SPCS1: variants seen among roughly 807,000 people sequenced by gnomAD.
SPCS1 encodes SPase 12 kDa subunit.
Under a neutral mutation model 16.4 loss-of-function variants are expected in SPCS1, and 10 were observed. That is an observed-to-expected ratio of 0.61 (90% CI 0.38 to 1.03). SPCS1 has a LOEUF of 1.03. SPCS1 is among the 50% of genes least tolerant of loss of function. The pLI, the probability that SPCS1 is intolerant of heterozygous loss-of-function variation, is 0.01. For missense variants in SPCS1, 118 were observed against 123.8 expected (o/e 0.95, Z 0.22); for synonymous variants, 47 against 42.5 (o/e 1.10, Z -0.41).
At chr3:52,707,013 T>G (rs1365130681) in intron 3 of SPCS1, 134 bp downstream of exon 3, 5 of 730,326 alleles carry the variant, frequency 6.8e-6, no homozygotes. Context: ...TTGCTATCAT[T>G]GGAAAAGTAG....
rs1461767986 is a variant in SPCS1, at chr3:52,708,648, G to C, written c.*836G>C. 6.6e-6 allele frequency: 1 copy of C among 151,970 alleles called. No homozygotes were observed. Among genetic ancestry groups the C allele is most frequent in the African/African-American group, 2.4e-5 (1 of 41,366 alleles). The allele number at this position is 151,970 out of a possible 1,614,324, so 9.4% of individuals were successfully genotyped here. On this transcript the variant is annotated 3_prime_UTR_variant, in exon 4 of 4. Transcript: ENST00000619898. ...TTTATCAGATCTTATATAGAACCTT[G>C]AATAAAATTTAATAGACAAGTGATT...
intron 3 of SPCS1, 105 bp from the exon 4 acceptor site, chr3:52,707,582 T>TTTTTTTC: frequency 7.9e-7 from 1 of 1,262,790 alleles, no homozygotes; most frequent in Non-Finnish European, 1.1e-6. Flanking sequence ...TTTTTGTTTT[T>TTTTTTTC]TTGTTCCCTC....
At chr3:52,706,566 C>T (rs2097344929) in intron 1 of SPCS1, 78 bp from the exon 2 acceptor site, 2 of 1,361,414 alleles carry the variant, frequency 1.5e-6, no homozygotes, top group Non-Finnish European at 2.1e-6. Context: ...TACCCTGTGC[C>T]AGAGTTGTGA....
rs199733019 is a variant in SPCS1, at chr3:52,707,696, C to G, written c.193C>G (p.Pro65Ala). 178 of 1,613,234 alleles carry G rather than the reference C, an allele frequency of 1.1e-4. No homozygotes were observed. The highest frequency in any genetic ancestry group is 5.9e-6 in the Non-Finnish European group (7 of 1,179,616). Reference sequence around the variant, plus strand: ...CTCTTTTCTGGCCCAGCTGACACTTCCTCCATGGCCCATCTATCGCCGGCA... The same window carrying G: ...CTCTTTTCTGGCCCAGCTGACACTTGCTCCATGGCCCATCTATCGCCGGCA... ...GFAFSCLLTL[P>A]PWPIYRRHPL... The change falls in exon 4 of 4, where the codon CCT becomes GCT. Residue 65 changes from proline (P) to alanine (A), a missense_variant. By Grantham distance (27) the Pro-to-Ala change is conservative. Transcript: ENST00000619898.
rs56359883 is a variant in SPCS1 at position 52,710,364 on chromosome 3, TA to T, written c.*2567del. 143,189 of 146,322 alleles carry T rather than the reference TA, an allele frequency of 0.98. 70,083 individuals carry two copies. The highest frequency in any genetic ancestry group is 1 in the East Asian group (5,023 of 5,040). The allele number at this position is 146,322 out of a possible 1,614,324, so 9.1% of individuals were successfully genotyped here. A position where few individuals can be genotyped will look rare whatever the true frequency, so the allele number is the denominator to read the frequency against. On this transcript the variant is annotated 3_prime_UTR_variant, in exon 4 of 4. Coordinates refer to ENST00000619898, the MANE Select transcript of SPCS1 (RefSeq NM_014041.5). ...TGGGTGACAGAGCAAGACTGTGTCT[TA>T]AAAAAAAAAAAAAATTGTTAAGTGG...
Position 52,706,839 on chromosome 3 carries a change from C to CT in SPCS1, c.144dup (p.Val49CysfsTer48). On this transcript the variant is annotated frameshift_variant, in exon 3 of 4. Coordinates refer to ENST00000619898, the MANE Select transcript of SPCS1 (RefSeq NM_014041.5). LOFTEE classifies it high-confidence loss of function. ...TACGTGGCTGAACAGTTCGGGTGGA[C>CT]TGTCTATATAGTTATGGCCGGATTT... is the stretch of plus-strand genomic sequence containing the variant. 1 of 1,614,044 alleles carries CT rather than the reference C, an allele frequency of 6.2e-7. No individual in the cohort carries two copies. Among genetic ancestry groups the CT allele is most frequent in the East Asian group, 2.2e-5 (1 of 44,886 alleles).
chr3:52,707,751 C>T lies in SPCS1; in HGVS notation c.248C>T (p.Ser83Leu). 6.2e-7 allele frequency: 1 copy of T among 1,614,074 alleles called. No homozygotes were observed. The highest frequency in any genetic ancestry group is 8.5e-7 in the Non-Finnish European group (1 of 1,179,992). The change falls in exon 4 of 4, where the codon TCA becomes TTA. Residue 83 changes from serine (S) to leucine (L), a missense_variant. Physicochemically the swap from Ser to Leu is moderately radical, Grantham distance 145. Coordinates refer to ENST00000619898, the MANE Select transcript of SPCS1 (RefSeq NM_014041.5). The part of the protein sequence containing the change: ...HPLKWLPVQE[S>L]STDDKKPGER... ...CTCAAGTGGTTACCTGTTCAAGAAT[C>T]AAGCACAGACGACAAGAAACCAGGG...
At chr3:52,707,019 A>G in intron 3 of SPCS1, 140 bp downstream of exon 3, 1 of 710,718 alleles carries the variant, frequency 1.4e-6, no homozygotes. Context: ...TCATTGGAAA[A>G]GTAGAATGCC....
At position 52,709,563 on chromosome 3, in the gene SPCS1, T is replaced by G. The variant is rs1245999940; in HGVS notation, c.*1751T>G. 3 of 151,352 alleles carry G rather than the reference T, an allele frequency of 2.0e-5. No homozygotes were observed. Among genetic ancestry groups the G allele is most frequent in the Admixed American group, 1.3e-4 (2 of 15,168 alleles). The allele number at this position is 151,352 out of a possible 1,614,324, so 9.4% of individuals were successfully genotyped here. On this transcript the variant is annotated 3_prime_UTR_variant, in exon 4 of 4. Transcript: ENST00000619898. The stretch of plus-strand genomic sequence containing the variant: ...AAAAATTTTAAAAATTAGCCAGGTG[T>G]GGTGGTGCATGCCTGTGGTCCTAGC...
chr3:52,709,161 G>A lies in SPCS1; in HGVS notation c.*1349G>A, dbSNP rs2097347726. 6.8e-6 allele frequency: 1 copy of A among 147,454 alleles called. No homozygotes were observed. The highest frequency in any genetic ancestry group is 6.8e-5 in the Admixed American group (1 of 14,618). 9.1% of individuals were successfully genotyped at this position (147,454 alleles called of 1,614,324 possible). ...ATCGCACCACTGTACTCCAGCCTGG[G>A]CAACAAGAAGACTCCATCTCAAAAA... On this transcript the variant is annotated 3_prime_UTR_variant, in exon 4 of 4. Transcript: ENST00000619898.
In SPCS1 at chr3:52,710,439, C is replaced by CAAAG. The variant is rs1000296187; in HGVS notation, c.*2629_*2632dup. The CAAAG allele has an allele frequency of 3.3e-5, 5 of 151,390 alleles. No individual in the cohort carries two copies. The highest frequency in any genetic ancestry group is 1.2e-4 in the African/African-American group (5 of 41,140). 9.4% of individuals were successfully genotyped at this position (151,390 alleles called of 1,614,324 possible). A position where few individuals can be genotyped will look rare whatever the true frequency, so the allele number is the denominator to read the frequency against. On this transcript the variant is annotated 3_prime_UTR_variant, in exon 4 of 4. Transcript: ENST00000619898. ...AGTATTTGTGTGTGTGTGTAATTTT[C>CAAAG]AAAGATAGATATATTTTTAGTTATA...
Position 52,706,112 on chromosome 3 carries a change from A to T in SPCS1, c.-135A>T. On this transcript the variant is annotated 5_prime_UTR_variant, in exon 1 of 4. Transcript: ENST00000619898. ...GACTTCCGCTTCCGGGGCCGCCGCC[A>T]TCGCTCTCCCGGGCTTAGAAGGCCC... 6.5e-7 allele frequency: 1 copy of T among 1,539,048 alleles called. No homozygotes were observed. Among genetic ancestry groups the T allele is most frequent in the Non-Finnish European group, 8.7e-7 (1 of 1,146,648 alleles).
chr3:52,706,867 T>C lies in SPCS1; in HGVS notation c.171T>C (p.Ala57=), dbSNP rs1342365351. ...WTVYIVMAGF[A]FSCLLTLPPW... ...TCTATATAGTTATGGCCGGATTTGC[T>C]TTTTCATGTTTGGTAAGAAATTTGT... The change falls in exon 3 of 4, where the codon GCT becomes GCC. Residue 57 remains alanine (A), a synonymous_variant. Transcript: ENST00000619898. The C allele has an allele frequency of 6.2e-7, 1 of 1,613,776 alleles. No homozygotes were observed.
At position 52,706,419 on chromosome 3, in the gene SPCS1, C is replaced by G. The variant is rs1178481461; in HGVS notation, c.36+137C>G. ...GTCCACCCTCTTTCCCGAATTGCCT[C>G]CTGGGTCCCCTTCTCTTCTACTCCG... On this transcript the variant is annotated intron_variant, in intron 1 of 3. Coordinates refer to ENST00000619898, the MANE Select transcript of SPCS1 (RefSeq NM_014041.5). The G allele has an allele frequency of 6.2e-6, 6 of 967,628 alleles. No homozygotes were observed. In the South Asian group the frequency reaches 9.7e-5, roughly 16 times the overall value. The allele number at this position is 967,628 out of a possible 1,614,324, so 59.9% of individuals were successfully genotyped here.
chr3:52,706,119 T>C lies in SPCS1; in HGVS notation c.-128T>C, dbSNP rs965832160. 5.2e-6 allele frequency: 8 copies of C among 1,539,524 alleles called. No homozygotes were observed. The highest frequency in any genetic ancestry group is 6.1e-6 in the Non-Finnish European group (7 of 1,146,742). On this transcript the variant is annotated 5_prime_UTR_variant, in exon 1 of 4. Transcript: ENST00000619898. ...GCTTCCGGGGCCGCCGCCATCGCTC[T>C]CCCGGGCTTAGAAGGCCCGGCTACT...
chr3:52,706,351 G>A, intron 1 of SPCS1, 69 bp downstream of exon 1: 1 of 1,507,736 alleles, frequency 6.6e-7, no homozygotes, highest in African/African-American at 1.4e-5. Context: ...CCATGTTGGA[G>A]CACCGACCCG....
chr3:52,707,975 A>G lies in SPCS1; in HGVS notation c.*163A>G, dbSNP rs564838908. 4.6e-5 allele frequency: 37 copies of G among 805,142 alleles called. No homozygotes were observed. The highest frequency in any genetic ancestry group is 3.1e-4 in the African/African-American group (18 of 57,506). 49.9% of individuals were successfully genotyped at this position (805,142 alleles called of 1,614,324 possible). On this transcript the variant is annotated 3_prime_UTR_variant, in exon 4 of 4. Coordinates refer to ENST00000619898, the MANE Select transcript of SPCS1 (RefSeq NM_014041.5). ...CTAGCCCAGTTGGGTTTTGATTTAT[A>G]TAAGTAGTTTAGACCTTCTCTTCAT... is the stretch of plus-strand genomic sequence containing the variant.
intron 3 of SPCS1, chr3:52,707,283 C>T (rs1002810248): frequency 1.5e-5 from 3 of 203,690 alleles, no homozygotes; most frequent in Non-Finnish European, 3.0e-5. Context: ...GATTTTCCTG[C>T]CTCAGCCTCC....
At chr3:52,706,548 G>A (rs528624177) in intron 1 of SPCS1, 96 bp from the exon 2 acceptor site, 3 of 1,191,626 alleles carry the variant, frequency 2.5e-6, no homozygotes, top group South Asian at 1.3e-5. Flanking sequence ...AGACCCTGAT[G>A]TTGGGGTTAC....
Sources: gnomAD v4.1 joint callset for allele counts on GRCh38, gnomAD v4.1.1 for gene constraint, MANE v1.5 for transcripts, NCBI Gene and HGNC (gene_info 2026-07-23, HGNC 2026-07-21) for gene names.